Variants in TLE1 observed in about 807,000 individuals in gnomAD.
The protein encoded by TLE1 is transducin-like enhancer protein 1.
Under a neutral mutation model 89.8 loss-of-function variants are expected in TLE1, and 21 were observed. The ratio of observed to expected loss-of-function variants is 0.23; its 90% CI spans 0.17 to 0.34. TLE1 has a LOEUF of 0.34. Ranked by LOEUF, TLE1 falls within the 10% of genes least tolerant of loss-of-function variation. The pLI is 1.00. For missense variants in TLE1, 795 were observed against 1,031.2 expected, an observed-to-expected ratio of 0.77 and a Z score of 3.14; for synonymous variants, 447 against 407.6, an observed-to-expected ratio of 1.10 and a Z score of -1.16.
In TLE1 at chr9:81,613,483, T is replaced by C; in HGVS notation, c.957A>G (p.Thr319=). ...KASTPVLKSS[T]PTPRSDMPTP... ...TTGGCATGTCGCTCCGAGGCGTTGG[T>C]GTGCTGGATTTCAGAACAGGCGTGC... The change falls in exon 12 of 20, where the codon ACA becomes ACG. Residue 319 remains threonine, a synonymous_variant. Coordinates refer to ENST00000376499, the MANE Select transcript of TLE1 (RefSeq NM_005077.5). The C allele has an allele frequency of 6.2e-7, 1 of 1,614,218 alleles. No individual in the cohort carries two copies. Among genetic ancestry groups the C allele is most frequent in the African/African-American group, 1.3e-5 (1 of 75,058 alleles).
chr9:81,664,715 A>T (rs1831242174), intron 4 of TLE1, among the ~76,000 whole-genome samples: 1 of 151,956 alleles, frequency 6.6e-6, no homozygotes, highest in Non-Finnish European at 1.5e-5. Context: ...TTAAGAAAAA[A>T]AAAAATAAGT....
intron 4 of TLE1, among the ~76,000 whole-genome samples, chr9:81,676,279 G>A (rs1230472073): frequency 6.6e-6 from 1 of 152,126 alleles, no homozygotes; most frequent in African/African-American, 2.4e-5. Context: ...GTAGATGGAA[G>A]TCCCTAACTC....
At chr9:81,672,892 C>T (rs1360041213) in intron 4 of TLE1, among the ~76,000 whole-genome samples, 2 of 152,132 alleles carry the variant, frequency 1.3e-5, no homozygotes, top group African/African-American at 4.8e-5. Flanking sequence ...TTTATTCTTA[C>T]TGATAGTTAC....
rs1223237433 is a variant in TLE1, at chr9:81,685,706, T to C, written c.204A>G (p.Ser68=). 1 of 1,613,764 alleles carries C rather than the reference T, an allele frequency of 6.2e-7. No homozygotes were observed. Among genetic ancestry groups the C allele is most frequent in the African/African-American group, 1.3e-5 (1 of 75,058 alleles). Residue 68 remains serine, a synonymous_variant, in exon 4 of 20, where the codon TCA becomes TCG. Transcript: ENST00000376499. ...TGTGCATTTCAATGTTTAATCCATA[T>C]GACATTTCATAATACTGTAAAGAGA... is the stretch of plus-strand genomic sequence containing the variant. The part of the protein sequence containing the change: ...QRHYVMYYEM[S]YGLNIEMHKQ...
At chr9:81,623,032 A>G (rs934542930) in intron 8 of TLE1, among the ~76,000 whole-genome samples, 1 of 152,148 alleles carries the variant, frequency 6.6e-6, no homozygotes, top group Non-Finnish European at 1.5e-5. Context: ...CGCTGCTTTC[A>G]TTGTTGTTCT....
chr9:81,588,511 C>T (rs552408443), intron 16 of TLE1, among the ~76,000 whole-genome samples: 6 of 152,276 alleles, frequency 3.9e-5, no homozygotes, highest in African/African-American at 4.8e-5. Context: ...GGCAGACCCA[C>T]GGGCACCTCA....
intron 6 of TLE1, among the ~76,000 whole-genome samples, chr9:81,648,166 G>A (rs1829095914): frequency 6.6e-6 from 1 of 151,564 alleles, no homozygotes; most frequent in Non-Finnish European, 1.5e-5. Context: ...CAGCTACTCG[G>A]GCGGCTGAGG....
chr9:81,665,608 G>A (rs78254631), intron 4 of TLE1, among the ~76,000 whole-genome samples: 1,989 of 152,284 alleles, frequency 0.013, 54 homozygotes, highest in African/African-American at 0.046. Context: ...GCAGATTGCA[G>A]GGGCCTGCAT....
At chr9:81,665,179 G>A (rs1187382513) in intron 4 of TLE1, among the ~76,000 whole-genome samples, 1 of 152,130 alleles carries the variant, frequency 6.6e-6, no homozygotes, top group Non-Finnish European at 1.5e-5. Flanking sequence ...AACACAAACC[G>A]GGGGTGTAGG....
chr9:81,594,406 ATCATTCC>A (rs1300379418), intron 14 of TLE1, among the ~76,000 whole-genome samples: 3 of 152,180 alleles, frequency 2.0e-5, no homozygotes, highest in Non-Finnish European at 4.4e-5. Flanking sequence ...ACTGGAAACC[ATCATTCC>A]CAGCAAACTA....
intron 8 of TLE1, among the ~76,000 whole-genome samples, chr9:81,626,129 A>T (rs993505579): frequency 7.2e-5 from 11 of 152,148 alleles, no homozygotes; most frequent in South Asian, 2.1e-4. Context: ...AAAATAAAGC[A>T]CATTATTCAA....
chr9:81,624,352 G>C (rs1825660075), intron 8 of TLE1, among the ~76,000 whole-genome samples: 1 of 152,110 alleles, frequency 6.6e-6, no homozygotes, highest in African/African-American at 2.4e-5. Flanking sequence ...CACTGAAAAA[G>C]GCCTCAGCAG....
chr9:81,667,624 A>G (rs1333525239), intron 4 of TLE1, among the ~76,000 whole-genome samples: 1 of 152,024 alleles, frequency 6.6e-6, no homozygotes, highest in Non-Finnish European at 1.5e-5. Context: ...AATGGCTCCA[A>G]TTTTGATATA....
chr9:81,640,941 G>A (rs1045638547), intron 6 of TLE1, among the ~76,000 whole-genome samples: 6 of 152,036 alleles, frequency 3.9e-5, no homozygotes, highest in Non-Finnish European at 8.8e-5. Context: ...AACTTCACCC[G>A]CTTTGTAACC....
At chr9:81,616,267 A>G (rs1440781319) in intron 10 of TLE1, 133 bp from the exon 11 acceptor site, 2 of 1,097,008 alleles carry the variant, frequency 1.8e-6, no homozygotes, top group Non-Finnish European at 2.6e-6. Flanking sequence ...GGTGACCAAC[A>G]CCATGTTATA....
At chr9:81,662,361 T>TTTTGTGTGTGTG (rs1290826547) in intron 4 of TLE1, among the ~76,000 whole-genome samples, 2 of 138,360 alleles carry the variant, frequency 1.4e-5, no homozygotes, top group East Asian at 2.1e-4. Flanking sequence ...TGTGCCTGTT[T>TTTTGTGTGTGTG]TGTGTGTGTG....
rs76353027 is a variant in TLE1 at position 81,607,783 on chromosome 9, G to A, written c.1331+2437C>T. ...AAGAAAACACACCAGGTAGTAACTAGTTCATGGGTACTCAACTGGAAGAGA... is the reference window on the plus strand; with the variant it reads ...AAGAAAACACACCAGGTAGTAACTAATTCATGGGTACTCAACTGGAAGAGA... On this transcript the variant is annotated intron_variant, in intron 14 of 19. Transcript: ENST00000376499. Among the ~76,000 whole-genome samples, 528 of 152,280 alleles carry A rather than the reference G, an allele frequency of 3.5e-3. 4 individuals carry two copies. Among genetic ancestry groups the A allele is most frequent in the African/African-American group, 0.012 (495 of 41,568 alleles).
chr9:81,607,355 C>T (rs1013514862), intron 14 of TLE1, among the ~76,000 whole-genome samples: 1 of 151,314 alleles, frequency 6.6e-6, no homozygotes, highest in Non-Finnish European at 1.5e-5. Context: ...CACACACACA[C>T]ATATAAGGAA....
intron 8 of TLE1, among the ~76,000 whole-genome samples, chr9:81,621,665 G>A (rs1241726562): frequency 6.6e-6 from 1 of 152,156 alleles, no homozygotes; most frequent in African/African-American, 2.4e-5. Context: ...ATATTTTATG[G>A]TATCTTTTTA....
Sources: gnomAD v4.1 joint callset for allele counts (sites outside exome capture counted in the v4.1 genomes callset) on GRCh38, gnomAD v4.1.1 for gene constraint, MANE v1.5 for transcripts, NCBI Gene and HGNC (gene_info 2026-07-23, HGNC 2026-07-21) for gene names.